The following SNW1 variants were observed in gnomAD, a reference collection of about 807,000 sequenced individuals.
SNW1 encodes SNW domain-containing protein 1.
Under a neutral mutation model 75.6 loss-of-function variants are expected in SNW1, and 9 were observed. The observed-to-expected ratio is 0.12, with a 90% CI of 0.07 to 0.21. SNW1 has a LOEUF of 0.21. Among genes scored for constraint, SNW1 ranks in the 10% least tolerant of loss-of-function variants. The pLI, the probability that SNW1 is intolerant of heterozygous loss-of-function variation, is 1.00. For synonymous variants in SNW1, 200 were observed against 219.1 expected (o/e 0.91, Z 0.77); for missense variants, 409 against 670.9 (o/e 0.61, Z 4.31).
chr14:77,751,926 A>C (rs577406786), intron 2 of SNW1, among the ~76,000 whole-genome samples: 1 of 152,206 alleles, frequency 6.6e-6, no homozygotes, highest in African/African-American at 2.4e-5. Flanking sequence ...TGAGCTTGGT[A>C]TATTTTAGGA....
intron 3 of SNW1, among the ~76,000 whole-genome samples, chr14:77,748,599 TTATTTGAGACAGAG>T (rs1481743379): frequency 1.3e-5 from 2 of 151,966 alleles, no homozygotes; most frequent in African/African-American, 4.8e-5. Context: ...ACTTTTTTTT[TTATTTGAGACAGAG>T]TCTTGCTCTG....
At chr14:77,720,624 A>G (rs1566825448) in intron 12 of SNW1, 87 bp downstream of exon 12, 9 of 900,320 alleles carry the variant, frequency 1.0e-5, no homozygotes, top group African/African-American at 1.6e-5. Flanking sequence ...TGGCATTTAC[A>G]TCCAAATGTA....
chr14:77,754,266 A>C (rs1478537145), intron 2 of SNW1, among the ~76,000 whole-genome samples: 1 of 151,710 alleles, frequency 6.6e-6, no homozygotes, highest in Non-Finnish European at 1.5e-5. Flanking sequence ...CTGGTCTCGA[A>C]CTCCTGGCCT....
chr14:77,751,771 T>C (rs114545574), intron 2 of SNW1, among the ~76,000 whole-genome samples: 213 of 149,310 alleles, frequency 1.4e-3, no homozygotes, highest in African/African-American at 5.2e-3. Context: ...ACATGTGAGC[T>C]AAAGCCTGAA....
At chr14:77,727,287 C>T (rs887167983) in intron 10 of SNW1, among the ~76,000 whole-genome samples, 1 of 152,134 alleles carries the variant, frequency 6.6e-6, no homozygotes, top group African/African-American at 2.4e-5. Context: ...CTCCTGACCT[C>T]AAGTGATTGC....
At chr14:77,719,813 C>A (rs1415552154) in intron 12 of SNW1, among the ~76,000 whole-genome samples, 1 of 151,534 alleles carries the variant, frequency 6.6e-6, no homozygotes, top group Non-Finnish European at 1.5e-5. Context: ...AGACTTAGAA[C>A]AATGCCAAGA....
chr14:77,727,596 AG>A (rs1431620682), intron 10 of SNW1, among the ~76,000 whole-genome samples: 2 of 152,178 alleles, frequency 1.3e-5, no homozygotes, highest in African/African-American at 4.8e-5. Flanking sequence ...TTTATCATGA[AG>A]GGATGTTGAA....
At chr14:77,720,146 A>G (rs72685300) in intron 12 of SNW1, among the ~76,000 whole-genome samples, 25,397 of 152,216 alleles carry the variant, frequency 0.17, 2,443 homozygotes, top group Non-Finnish European at 0.22. Flanking sequence ...CCCAAGAGGC[A>G]CTTTTGTAGG....
intron 9 of SNW1, among the ~76,000 whole-genome samples, chr14:77,732,181 A>G (rs886653486): frequency 1.3e-5 from 2 of 152,240 alleles, no homozygotes; most frequent in Non-Finnish European, 2.9e-5. Flanking sequence ...TCTAAAATAG[A>G]GGAAAATTTG....
At chr14:77,719,051 G>A (rs960415150) in intron 12 of SNW1, among the ~76,000 whole-genome samples, 1 of 152,108 alleles carries the variant, frequency 6.6e-6, no homozygotes, top group Non-Finnish European at 1.5e-5. Flanking sequence ...GTAGCTGGGA[G>A]TACAGGTGTG....
chr14:77,739,249 T>C (rs1426399768), intron 3 of SNW1, among the ~76,000 whole-genome samples, 188 bp from the exon 4 acceptor site: 3 of 152,356 alleles, frequency 2.0e-5, no homozygotes, highest in South Asian at 2.1e-4. Context: ...GGCTGTAAGT[T>C]AGTAATTTTC....
intron 9 of SNW1, among the ~76,000 whole-genome samples, chr14:77,731,353 T>C (rs1175635224): frequency 6.6e-6 from 1 of 152,248 alleles, no homozygotes; most frequent in Non-Finnish European, 1.5e-5. Flanking sequence ...GAAACTATCG[T>C]GACCCCAATT....
Position 77,760,817 on chromosome 14 carries a change from G to C in SNW1, c.14+297C>G. 4 of 718,238 alleles carry C rather than the reference G, an allele frequency of 5.6e-6. No homozygotes were observed. The South Asian group carries it at 5.9e-5, about 11-fold the overall frequency. The allele number at this position is 718,238 out of a possible 1,614,324, so 44.5% of individuals were successfully genotyped here. A position where few individuals can be genotyped will look rare whatever the true frequency, so the allele number is the denominator to read the frequency against. ...TCGCCCGAGCCGCGGACCTGAGGGA[G>C]CGCTGTCCGCTCCCCGCAAGATGCT... is the stretch of plus-strand genomic sequence containing the variant. On this transcript the variant is annotated intron_variant, in intron 1 of 13. Transcript: ENST00000261531.
intron 8 of SNW1, 59 bp from the exon 9 acceptor site, chr14:77,732,660 GTTAAA>G (rs2080636505): frequency 2.1e-6 from 2 of 962,902 alleles, no homozygotes; most frequent in East Asian, 4.8e-5. Flanking sequence ...ATCGTCTGAA[GTTAAA>G]TTAATTTTAT....
chr14:77,735,049 TA>T (rs1566830169), intron 7 of SNW1, 37 bp from the exon 8 acceptor site: 1 of 1,438,800 alleles, frequency 7.0e-7, no homozygotes, highest in Admixed American at 1.7e-5. Context: ...AGTTTAGATT[TA>T]TAGTCTACAA....
chr14:77,754,178 G>A (rs567201113), intron 2 of SNW1, among the ~76,000 whole-genome samples: 2 of 151,828 alleles, frequency 1.3e-5, no homozygotes, highest in South Asian at 4.2e-4. Context: ...CGGAGTAGCT[G>A]GGATTACAGG....
intron 7 of SNW1, among the ~76,000 whole-genome samples, chr14:77,735,651 C>G (rs1437276616): frequency 3.3e-5 from 5 of 152,026 alleles, no homozygotes; most frequent in Admixed American, 6.6e-5. Context: ...AGTCAAATTA[C>G]CAGGGACCTA....
At chr14:77,752,146 T>G (rs1201393363) in intron 2 of SNW1, among the ~76,000 whole-genome samples, 1 of 152,184 alleles carries the variant, frequency 6.6e-6, no homozygotes, top group Non-Finnish European at 1.5e-5. Flanking sequence ...CATATTTTAG[T>G]GAGGAACAGG....
chr14:77,739,004 G>T lies in SNW1; in HGVS notation c.388C>A (p.Pro130Thr). 3.7e-6 allele frequency: 6 copies of T among 1,614,042 alleles called. No individual in the cohort carries two copies. The highest frequency in any genetic ancestry group is 5.1e-6 in the Non-Finnish European group (6 of 1,179,988). ...VPKEVMNADD[P>T]DLQRPDEEAI... is the part of the protein sequence containing the mutation. Reference sequence around the variant, plus strand: ...TCTTCATCGGGCCTTTGCAGGTCTGGATCATCTGCATTCATAACCTCCTTT... The same window carrying T: ...TCTTCATCGGGCCTTTGCAGGTCTGTATCATCTGCATTCATAACCTCCTTT... The change falls in exon 4 of 14, where the codon CCA (proline) becomes ACA (threonine). Residue 130 changes from proline to threonine, a missense_variant. Physicochemically the swap from Pro to Thr is conservative, Grantham distance 38. Transcript: ENST00000261531.
Sources: gnomAD v4.1 joint callset for allele counts (sites outside exome capture counted in the v4.1 genomes callset) on GRCh38, gnomAD v4.1.1 for gene constraint, MANE v1.5 for transcripts, NCBI Gene and HGNC (gene_info 2026-07-23, HGNC 2026-07-21) for gene names.